Variants in OBI1 observed in about 807,000 individuals in gnomAD.
OBI1 encodes the protein ORC ubiquitin ligase 1.
In OBI1, 59 loss-of-function variants were observed where a neutral mutation model predicts 62.4. That is an observed-to-expected ratio of 0.95 (90% CI 0.77 to 1.17). OBI1 has a LOEUF of 1.17. Ranked by LOEUF, OBI1 falls within the 50% of genes most tolerant of loss-of-function variation. The pLI, the probability that OBI1 is intolerant of heterozygous loss-of-function variation, is 0.00. For synonymous variants in OBI1, 302 were observed against 292.8 expected, an observed-to-expected ratio of 1.03 and a Z score of -0.32; for missense variants, 875 against 830.9, an observed-to-expected ratio of 1.05 and a Z score of -0.65.
intron 3 of OBI1, among the ~76,000 whole-genome samples, chr13:78,639,993 T>TAAAAAC (rs555691481): frequency 4.7e-4 from 71 of 149,736 alleles, no homozygotes; most frequent in African/African-American, 1.4e-3. Flanking sequence ...AAAGTATAAT[T>TAAAAAC]AAAAACAAAA....
intron 1 of OBI1, among the ~76,000 whole-genome samples, chr13:78,653,470 C>CT (rs1790687140): frequency 6.6e-6 from 1 of 152,210 alleles, no homozygotes; most frequent in Admixed American, 6.5e-5. Context: ...AACTGAGACT[C>CT]TAAGAAATAA....
intron 1 of OBI1, among the ~76,000 whole-genome samples, chr13:78,650,791 C>T (rs1467121207): frequency 3.3e-5 from 5 of 151,878 alleles, no homozygotes; most frequent in East Asian, 1.9e-4. Flanking sequence ...GCCTAGGAGC[C>T]GACTACATAT....
At position 78,648,279 on chromosome 13, in the gene OBI1, A is replaced by AACACACACAC. The variant is rs3064402; in HGVS notation, c.73-3292_73-3283dup. Among the ~76,000 whole-genome samples the AACACACACAC allele has an allele frequency of 2.9e-3, 428 of 146,782 alleles. 4 individuals carry two copies. Among genetic ancestry groups the AACACACACAC allele is most frequent in the African/African-American group, 7.2e-3 (286 of 39,712 alleles). ...CTTATCTATCCTGTAACTTCCCCCA[A>AACACACACAC]ACACACACACACACACACACACACA... is the stretch of plus-strand genomic sequence containing the variant. On this transcript the variant is annotated intron_variant, in intron 1 of 5. Coordinates refer to ENST00000282003, the MANE Select transcript of OBI1 (RefSeq NM_024546.4).
chr13:78,640,512 T>C (rs183656697), intron 3 of OBI1, among the ~76,000 whole-genome samples: 69 of 152,244 alleles, frequency 4.5e-4, no homozygotes, highest in Admixed American at 3.7e-3. Flanking sequence ...GTGGGCTGAC[T>C]GTACAGAGTT....
chr13:78,642,133 T>G lies in OBI1; in HGVS notation c.289A>C (p.Lys97Gln). 1 of 1,589,158 alleles carries G rather than the reference T, an allele frequency of 6.3e-7. No individual in the cohort carries two copies. The highest frequency in any genetic ancestry group is 8.6e-7 in the Non-Finnish European group (1 of 1,157,456). Residue 97 changes from lysine (K) to glutamine (Q), a missense_variant, in exon 3 of 6, where the codon AAA becomes CAA. Transcript: ENST00000282003. Reference sequence around the variant, plus strand: ...TGATTACTGTTTACCTCATATTCTTTGTGTAGTAATTCAAGTCTAGTTTTC... The same window carrying G: ...TGATTACTGTTTACCTCATATTCTTGGTGTAGTAATTCAAGTCTAGTTTTC... ...LRKTRLELLH[K>Q]EYEDEIDCLQ...
chr13:78,657,289 G>A (rs1473603796), intron 1 of OBI1, among the ~76,000 whole-genome samples: 3 of 148,080 alleles, frequency 2.0e-5, no homozygotes, highest in Non-Finnish European at 3.0e-5. Flanking sequence ...ACCAATACAG[G>A]AAAAAAAAAA....
chr13:78,635,128 T>A lies in OBI1; in HGVS notation c.620A>T (p.Asp207Val), dbSNP rs778772155. ...RENLRLKAEV[D>V]NRSPQKFGRF... Reference sequence around the variant, plus strand: ...TACATACTTTTGAGGTGATCTGTTATCAACTTCAGCCTTCAGTCGTAAATT... The same window carrying A: ...TACATACTTTTGAGGTGATCTGTTAACAACTTCAGCCTTCAGTCGTAAATT... The change falls in exon 5 of 6, where the codon GAT (aspartate) becomes GTT (valine). Residue 207 changes from aspartate (D) to valine (V), a missense_variant. Coordinates refer to ENST00000282003, the MANE Select transcript of OBI1 (RefSeq NM_024546.4). 3 of 1,607,768 alleles carry A rather than the reference T, an allele frequency of 1.9e-6. No individual in the cohort carries two copies. Among genetic ancestry groups the A allele is most frequent in the African/African-American group, 2.7e-5 (2 of 74,726 alleles).
chr13:78,643,492 T>C (rs1876282354), intron 2 of OBI1, among the ~76,000 whole-genome samples: 1 of 152,170 alleles, frequency 6.6e-6, no homozygotes, highest in Non-Finnish European at 1.5e-5. Context: ...TTCTATTTCC[T>C]TTGTAAAAAT....
chr13:78,620,888 C>T (rs905905679), intron 5 of OBI1, among the ~76,000 whole-genome samples: 5 of 152,172 alleles, frequency 3.3e-5, no homozygotes, highest in African/African-American at 1.2e-4. Context: ...TCTAGTGCTA[C>T]GCTACTATCC....
intron 5 of OBI1, among the ~76,000 whole-genome samples, chr13:78,624,262 A>G (rs1251369657): frequency 6.6e-6 from 1 of 152,224 alleles, no homozygotes; most frequent in Admixed American, 6.5e-5. Flanking sequence ...ATTTGCAAGA[A>G]TAAAAAATGC....
Position 78,617,055 on chromosome 13 carries a change from G to A in OBI1, c.706C>T (p.Leu236Phe). The A allele has an allele frequency of 1.9e-6, 3 of 1,612,292 alleles. No homozygotes were observed. The highest frequency in any genetic ancestry group is 3.3e-4 in the Middle Eastern group (2 of 6,040). The stretch of plus-strand genomic sequence containing the variant: ...TCACTTCGTTCCAGGGCTTTCTTGA[G>A]GCGATTGGTTTCACGCTCATACTGT... ...VEQYERETNR[L>F]KKALERSDKY... Residue 236 changes from leucine (L) to phenylalanine (F), a missense_variant, in exon 6 of 6, where the codon CTC (leucine) becomes TTC (phenylalanine). Transcript: ENST00000282003.
intron 5 of OBI1, among the ~76,000 whole-genome samples, chr13:78,619,703 C>T (rs1875448059): frequency 6.6e-6 from 1 of 152,100 alleles, no homozygotes; most frequent in Admixed American, 6.6e-5. Context: ...TTCTTTCTCC[C>T]ACGTTAGAAT....
At chr13:78,657,804 T>C (rs1370483014) in intron 1 of OBI1, among the ~76,000 whole-genome samples, 5 of 152,176 alleles carry the variant, frequency 3.3e-5, no homozygotes, top group Admixed American at 2.6e-4. Flanking sequence ...AGGAGCCAAA[T>C]GTAGACTGTG....
chr13:78,621,560 T>A (rs1875513942), intron 5 of OBI1, among the ~76,000 whole-genome samples: 1 of 152,092 alleles, frequency 6.6e-6, no homozygotes, highest in African/African-American at 2.4e-5. Context: ...AAGATGAAGG[T>A]GTAACAAAGA....
At chr13:78,658,037 A>T (rs1876760738) in intron 1 of OBI1, among the ~76,000 whole-genome samples, 1 of 152,180 alleles carries the variant, frequency 6.6e-6, no homozygotes, top group South Asian at 2.1e-4. Context: ...ACTTTCTTCT[A>T]CTTTTTGAAT....
chr13:78,624,068 C>T (rs1875594019), intron 5 of OBI1, among the ~76,000 whole-genome samples: 2 of 152,158 alleles, frequency 1.3e-5, no homozygotes, highest in Admixed American at 1.3e-4. Context: ...CATGCACAAT[C>T]AGCAGGTATC....
intron 5 of OBI1, among the ~76,000 whole-genome samples, chr13:78,634,859 C>T (rs1241651957): frequency 6.6e-6 from 1 of 152,178 alleles, no homozygotes; most frequent in Non-Finnish European, 1.5e-5. Flanking sequence ...TCAATGCTCA[C>T]TTGTGTTAGG....
At chr13:78,651,785 T>A (rs910221284) in intron 1 of OBI1, among the ~76,000 whole-genome samples, 5 of 152,312 alleles carry the variant, frequency 3.3e-5, no homozygotes, top group African/African-American at 1.2e-4. Context: ...ACTGCTTACA[T>A]CCTGTCTTCC....
At position 78,616,092 on chromosome 13, in the gene OBI1, T is replaced by C. The variant is rs1346736588; in HGVS notation, c.1669A>G (p.Asn557Asp). 2.5e-6 allele frequency: 4 copies of C among 1,614,148 alleles called. No homozygotes were observed. Among genetic ancestry groups the C allele is most frequent in the Non-Finnish European group, 3.4e-6 (4 of 1,180,020 alleles). ...ESDNSKSPCN[N>D]GFKSLDLDGL... ...TCCAAATCCAGTGACTTAAAACCGT[T>C]ATTACAAGGGCTCTTGCTGTTGTCT... Residue 557 changes from asparagine to aspartate, a missense_variant, in exon 6 of 6, where the codon AAC (asparagine) becomes GAC (aspartate). Transcript: ENST00000282003.
Sources: gnomAD v4.1 joint callset for allele counts (sites outside exome capture counted in the v4.1 genomes callset) on GRCh38, gnomAD v4.1.1 for gene constraint, MANE v1.5 for transcripts, NCBI Gene and HGNC (gene_info 2026-07-23, HGNC 2026-07-21) for gene names.